ARHGAP25: variants seen among roughly 807,000 people sequenced by gnomAD.
ARHGAP25 encodes the protein rho GTPase-activating protein 25.
A neutral mutation model predicts 71.0 loss-of-function variants in ARHGAP25; 34 were observed. The observed-to-expected ratio is 0.48, with a 90% CI of 0.36 to 0.64. The LOEUF (loss-of-function observed/expected upper bound fraction) is 0.64, where lower values mean the gene tolerates loss of function less well. Ranked by LOEUF, ARHGAP25 falls within the 30% of genes least tolerant of loss-of-function variation. The pLI, the probability that ARHGAP25 is intolerant of heterozygous loss-of-function variation, is 0.00. For missense variants in ARHGAP25, 706 were observed against 805.1 expected (o/e 0.88, Z 1.49); for synonymous variants, 282 against 296.5 (o/e 0.95, Z 0.50).
At chr2:68,744,379 G>A (rs774526585) in intron 1 of ARHGAP25, among the ~76,000 whole-genome samples, 2 of 152,090 alleles carry the variant, frequency 1.3e-5, no homozygotes, top group African/African-American at 2.4e-5. Flanking sequence ...AGATTGTACC[G>A]TTTTGCTCAT....
At chr2:68,751,799 C>A (rs567480376) in intron 1 of ARHGAP25, among the ~76,000 whole-genome samples, 9 of 152,312 alleles carry the variant, frequency 5.9e-5, no homozygotes, top group African/African-American at 2.2e-4. Flanking sequence ...TGGTCTGGAC[C>A]AATCCAAGAG....
In ARHGAP25 at chr2:68,807,415, G is replaced by T. The variant is rs1272200424; in HGVS notation, c.609G>T (p.Gly203=). The T allele has an allele frequency of 6.2e-7, 1 of 1,614,254 alleles. No individual in the cohort carries two copies. The highest frequency in any genetic ancestry group is 8.5e-7 in the Non-Finnish European group (1 of 1,180,052). ...RNEEGIFRLP[G]QDNLVKQLRD... is the part of the protein sequence containing the mutation. ...AAGAGGGCATCTTCCGTCTGCCTGGGCAGGACAACCTGGTGAAGCAGCTGA... is the reference window on the plus strand; with the variant it reads ...AAGAGGGCATCTTCCGTCTGCCTGGTCAGGACAACCTGGTGAAGCAGCTGA... Residue 203 remains glycine, a synonymous_variant, in exon 5 of 11, where the codon GGG becomes GGT. Transcript: ENST00000409202.
intron 3 of ARHGAP25, among the ~76,000 whole-genome samples, chr2:68,784,160 GCT>G (rs140044777): frequency 1.3e-5 from 2 of 149,430 alleles, no homozygotes; most frequent in African/African-American, 4.9e-5. Flanking sequence ...TCTCTCTTTC[GCT>G]CTCTCTCTCT....
At position 68,822,733 on chromosome 2, in the gene ARHGAP25, C is replaced by G. The variant is rs771827764; in HGVS notation, c.1594C>G (p.Leu532Val). 6.2e-7 allele frequency: 1 copy of G among 1,614,240 alleles called. No individual in the cohort carries two copies. The highest frequency in any genetic ancestry group is 1.7e-5 in the Admixed American group (1 of 60,030). Reference protein sequence around the residue: ...SQACDSKGDTLASPNSETGPG... With the variant: ...SQACDSKGDTVASPNSETGPG... ...AGCCTGTGACTCCAAGGGAGATACT[C>G]TTGCCAGTCCAAACTCTGAAACTGG... The change falls in exon 10 of 11, where the codon CTT becomes GTT. Residue 532 changes from leucine (L) to valine (V), a missense_variant. Physicochemically the swap from Leu to Val is conservative, Grantham distance 32. Transcript: ENST00000409202.
intron 1 of ARHGAP25, among the ~76,000 whole-genome samples, chr2:68,748,771 T>G (rs1675985946): frequency 6.6e-6 from 1 of 152,190 alleles, no homozygotes; most frequent in Admixed American, 6.5e-5. Flanking sequence ...GACTGAGCAT[T>G]TAGCTATCCC....
chr2:68,764,669 C>T (rs1321114865), intron 1 of ARHGAP25, among the ~76,000 whole-genome samples: 3 of 152,094 alleles, frequency 2.0e-5, no homozygotes, highest in Non-Finnish European at 2.9e-5. Context: ...GACCTCTGTG[C>T]GCACTTGGAA....
rs532560040 is a variant in ARHGAP25, at chr2:68,735,004, T to C, written c.-196T>C. 2.8e-3 allele frequency: 1,769 copies of C among 621,492 alleles called. 6 individuals carry two copies. The highest frequency in any genetic ancestry group is 8.7e-3 in the South Asian group (455 of 52,060). 38.5% of individuals were successfully genotyped at this position (621,492 alleles called of 1,614,324 possible). Reference sequence around the variant, plus strand: ...TTGGGTGCCATCCTCCAGTGACAGATGGATGGACCTTTCATCTAAGAGAAA... The same window carrying C: ...TTGGGTGCCATCCTCCAGTGACAGACGGATGGACCTTTCATCTAAGAGAAA... On this transcript the variant is annotated 5_prime_UTR_variant, in exon 1 of 11. An upstream start codon of the reference 5' UTR is lost. Transcript: ENST00000409202.
At chr2:68,732,947 T>C (rs1675063430), upstream of ARHGAP25, among the ~76,000 whole-genome samples, 2 of 152,202 alleles carry the variant, frequency 1.3e-5, no homozygotes, top group Non-Finnish European at 2.9e-5. Flanking sequence ...CAGAGATCCA[T>C]GTGATTTGGA....
At chr2:68,774,284 C>T (rs1020372786) in intron 1 of ARHGAP25, among the ~76,000 whole-genome samples, 12 of 151,804 alleles carry the variant, frequency 7.9e-5, no homozygotes, top group African/African-American at 2.4e-4. Context: ...CCAGGGTGAT[C>T]GATGGAGCGC....
At chr2:68,761,580 CA>C (rs1421552785) in intron 1 of ARHGAP25, among the ~76,000 whole-genome samples, 1 of 151,846 alleles carries the variant, frequency 6.6e-6, no homozygotes, top group African/African-American at 2.4e-5. Flanking sequence ...GCAAAGGACT[CA>C]AATAGACATT....
intron 2 of ARHGAP25, among the ~76,000 whole-genome samples, chr2:68,727,231 G>A (rs950841603): frequency 1.3e-5 from 2 of 152,188 alleles, no homozygotes; most frequent in African/African-American, 2.4e-5. Context: ...AAATACAAGC[G>A]AGTGAAACTG....
At chr2:68,796,978 G>T (rs78869630) in intron 4 of ARHGAP25, among the ~76,000 whole-genome samples, 2,637 of 152,298 alleles carry the variant, frequency 0.017, 68 homozygotes, top group African/African-American at 0.06. Context: ...CCAGCCTCCA[G>T]GCTAGTAGAT....
intron 2 of ARHGAP25, among the ~76,000 whole-genome samples, chr2:68,714,225 G>T (rs1275070944): frequency 6.6e-6 from 1 of 152,120 alleles, no homozygotes; most frequent in Non-Finnish European, 1.5e-5. Context: ...GGGTGTATGT[G>T]TCCAGGAATT....
chr2:68,811,442 A>G (rs545061916), intron 5 of ARHGAP25, among the ~76,000 whole-genome samples: 1 of 152,294 alleles, frequency 6.6e-6, no homozygotes, highest in Non-Finnish European at 1.5e-5. Flanking sequence ...TTCTCATAAC[A>G]TATTTTGACA....
chr2:68,822,975 T>A (rs986674579), intron 10 of ARHGAP25, 103 bp downstream of exon 10: 1 of 1,260,284 alleles, frequency 7.9e-7, no homozygotes. Context: ...AAGCTTCAAT[T>A]TGGGGAAGAC....
chr2:68,816,601 G>A (rs1267468037), intron 7 of ARHGAP25: 2 of 489,790 alleles, frequency 4.1e-6, no homozygotes, highest in Admixed American at 3.5e-5. Context: ...ACTGCCCAGA[G>A]TCCTGGTACA....
At chr2:68,772,275 TG>T (rs35504892) in intron 1 of ARHGAP25, among the ~76,000 whole-genome samples, 1 of 152,230 alleles carries the variant, frequency 6.6e-6, no homozygotes, top group South Asian at 2.1e-4. Flanking sequence ...TGTGGGCCTC[TG>T]GGGGTGGCCC....
chr2:68,736,968 T>C (rs1573394096), intron 1 of ARHGAP25, among the ~76,000 whole-genome samples: 1 of 152,050 alleles, frequency 6.6e-6, no homozygotes. Flanking sequence ...TGTTCTTAAC[T>C]GGGCACACAA....
At chr2:68,722,871 C>G (rs754398000) in intron 2 of ARHGAP25, among the ~76,000 whole-genome samples, 2 of 152,154 alleles carry the variant, frequency 1.3e-5, no homozygotes, top group Non-Finnish European at 2.9e-5. Context: ...GGTGCAGACA[C>G]CCTCAGGCCA....
Sources: gnomAD v4.1 joint callset for allele counts (sites outside exome capture counted in the v4.1 genomes callset) on GRCh38, gnomAD v4.1.1 for gene constraint, MANE v1.5 for transcripts, NCBI Gene and HGNC (gene_info 2026-07-23, HGNC 2026-07-21) for gene names.